Variants in AGBL1 observed in about 807,000 individuals in gnomAD.
The protein encoded by AGBL1 is cytosolic carboxypeptidase 4.
AGBL1 carries 130 observed loss-of-function variants against 118.9 expected under a neutral mutation model. The observed-to-expected ratio is 1.09, with a 90% CI of 0.95 to 1.26. The LOEUF is 1.26. Among genes scored for constraint, AGBL1 ranks in the 50% most tolerant of loss-of-function variants. AGBL1 has a pLI of 0.00. For synonymous variants in AGBL1, 555 were observed against 478.9 expected, an observed-to-expected ratio of 1.16 and a Z score of -2.08; for missense variants, 1,584 against 1,298.1, an observed-to-expected ratio of 1.22 and a Z score of -3.38.
chr15:86,866,486 A>G (rs2079632131), intron 22 of AGBL1, among the ~76,000 whole-genome samples: 1 of 152,202 alleles, frequency 6.6e-6, no homozygotes, highest in African/African-American at 2.4e-5. Context: ...AGTCTTTCAG[A>G]AAACAATTAT....
intron 19 of AGBL1, among the ~76,000 whole-genome samples, chr15:86,528,403 C>T (rs1436528066): frequency 6.6e-6 from 1 of 152,162 alleles, no homozygotes; most frequent in African/African-American, 2.4e-5. Flanking sequence ...TTCAGACCTG[C>T]TTAAAAAACG....
intron 5 of AGBL1, among the ~76,000 whole-genome samples, chr15:86,214,815 C>G (rs1467721269): frequency 1.3e-5 from 2 of 152,236 alleles, no homozygotes; most frequent in African/African-American, 2.4e-5. Flanking sequence ...TTGTGGTGCT[C>G]TGCTCCTGGT....
intron 21 of AGBL1, among the ~76,000 whole-genome samples, chr15:86,611,738 G>A (rs2084658547): frequency 6.6e-6 from 1 of 152,058 alleles, no homozygotes; most frequent in Non-Finnish European, 1.5e-5. Flanking sequence ...ACAGGCAACA[G>A]AGGCCAGAGA....
rs1001256815 is a variant in AGBL1, at chr15:86,826,809, A to G, written c.3159-80278A>G. Among the ~76,000 whole-genome samples the G allele has an allele frequency of 3.3e-5, 5 of 152,124 alleles. No individual in the cohort carries two copies. In the South Asian group the frequency reaches 1.0e-3, roughly 32 times the overall value. On this transcript the variant is annotated intron_variant, in intron 22 of 22. Transcript: ENST00000614907. ...GACCATTGGAATTCTTAACATGGAA[A>G]TAATCTCCCTAAGACAAATGGTGAT...
intron 18 of AGBL1, among the ~76,000 whole-genome samples, chr15:86,486,251 T>C (rs569863012): frequency 6.6e-5 from 10 of 152,210 alleles, no homozygotes; most frequent in African/African-American, 1.7e-4. Context: ...AATATTTAGC[T>C]CTCGATTTCT....
intron 21 of AGBL1, among the ~76,000 whole-genome samples, chr15:86,554,801 G>C (rs1473626417): frequency 2.0e-5 from 3 of 152,132 alleles, no homozygotes; most frequent in Non-Finnish European, 4.4e-5. Context: ...GCCTCTCTTT[G>C]ACATGCATCC....
intron 21 of AGBL1, among the ~76,000 whole-genome samples, chr15:86,563,058 C>T (rs1185309318): frequency 6.6e-6 from 1 of 152,016 alleles, no homozygotes; most frequent in African/African-American, 2.4e-5. Context: ...GTCTTGCTAG[C>T]AGTCTATCAA....
intron 18 of AGBL1, among the ~76,000 whole-genome samples, chr15:86,480,860 A>C (rs1345850189): frequency 6.6e-6 from 1 of 152,026 alleles, no homozygotes; most frequent in Non-Finnish European, 1.5e-5. Context: ...ATATTTAGGC[A>C]ATGGTGAGCA....
intron 17 of AGBL1, among the ~76,000 whole-genome samples, chr15:86,308,689 C>T (rs944853765): frequency 1.3e-5 from 2 of 152,144 alleles, no homozygotes; most frequent in Non-Finnish European, 1.5e-5. Flanking sequence ...GTCCTTTCCC[C>T]ATTGTGTACT....
intron 23 of AGBL1, among the ~76,000 whole-genome samples, chr15:86,957,867 A>T (rs1450684739): frequency 6.6e-6 from 1 of 151,976 alleles, no homozygotes; most frequent in African/African-American, 2.4e-5. Context: ...ATTCGTATGG[A>T]ATAATAAAAA....
At chr15:86,160,463 A>C (rs1447678134) in intron 5 of AGBL1, among the ~76,000 whole-genome samples, 1 of 152,122 alleles carries the variant, frequency 6.6e-6, no homozygotes, top group Non-Finnish European at 1.5e-5. Context: ...GAGTTCTAAG[A>C]AGCCATGGTA....
At chr15:86,454,312 T>C (rs1045028580) in intron 18 of AGBL1, among the ~76,000 whole-genome samples, 2 of 152,218 alleles carry the variant, frequency 1.3e-5, no homozygotes, top group Non-Finnish European at 2.9e-5. Flanking sequence ...GGAACTCTCT[T>C]ACGTGGCCAG....
intron 18 of AGBL1, among the ~76,000 whole-genome samples, chr15:86,496,690 T>A (rs1489791562): frequency 6.6e-6 from 1 of 152,012 alleles, no homozygotes. Flanking sequence ...AGCTACTAAT[T>A]ATATTTTATT....
chr15:86,626,147 C>G (rs1002982567), intron 21 of AGBL1, among the ~76,000 whole-genome samples: 1 of 152,128 alleles, frequency 6.6e-6, no homozygotes, highest in South Asian at 2.1e-4. Flanking sequence ...CCCAGCAATC[C>G]CATTACTGAG....
At chr15:86,480,052 C>G (rs1312266908) in intron 18 of AGBL1, among the ~76,000 whole-genome samples, 1 of 150,488 alleles carries the variant, frequency 6.6e-6, no homozygotes, top group Non-Finnish European at 1.5e-5. Context: ...CACTTGAGCA[C>G]AGGAAGGGGA....
chr15:86,781,234 C>A (rs2078331851), intron 22 of AGBL1, among the ~76,000 whole-genome samples: 1 of 152,082 alleles, frequency 6.6e-6, no homozygotes, highest in Non-Finnish European at 1.5e-5. Flanking sequence ...TTTTCTCCAA[C>A]AGTTTATGAA....
intron 16 of AGBL1, among the ~76,000 whole-genome samples, chr15:86,281,398 A>T (rs1321887233): frequency 1.3e-5 from 2 of 152,096 alleles, no homozygotes; most frequent in Admixed American, 6.5e-5. Flanking sequence ...CAAAACCAAA[A>T]GCAGAAACCA....
At chr15:86,651,100 T>A (rs1426370316) in intron 21 of AGBL1, among the ~76,000 whole-genome samples, 1 of 152,142 alleles carries the variant, frequency 6.6e-6, no homozygotes, top group Non-Finnish European at 1.5e-5. Flanking sequence ...ACAACTTAAT[T>A]AAGTAGTTCT....
At chr15:86,457,166 T>TTCTATC (rs10680762) in intron 18 of AGBL1, among the ~76,000 whole-genome samples, 69,643 of 151,570 alleles carry the variant, frequency 0.46, 16,814 homozygotes, top group Middle Eastern at 0.57. Context: ...GCAAATATCT[T>TTCTATC]TCTATGTTTT....
Sources: allele counts gnomAD v4.1 joint callset (sites outside exome capture counted in the v4.1 genomes callset), GRCh38; gene constraint gnomAD v4.1.1; transcripts MANE v1.5; gene names NCBI Gene and HGNC (gene_info 2026-07-23, HGNC 2026-07-21).